The following GABRB3 variants were observed in gnomAD, a reference collection of about 807,000 sequenced individuals.
GABRB3 encodes gamma-aminobutyric acid type A receptor subunit beta3.
In GABRB3, 14 loss-of-function variants were observed where a neutral mutation model predicts 52.1. That is an observed-to-expected ratio of 0.27 (90% CI 0.18 to 0.42). The LOEUF is 0.42. Among genes scored for constraint, GABRB3 ranks in the 10% least tolerant of loss-of-function variants. The pLI, the probability that GABRB3 is intolerant of heterozygous loss-of-function variation, is 1.00. For missense variants in GABRB3, 307 were observed against 609.1 expected (o/e 0.50, Z 5.22); for synonymous variants, 260 against 232.3 (o/e 1.12, Z -1.08).
At chr15:26,697,261 C>A (rs1049575104) in intron 3 of GABRB3, among the ~76,000 whole-genome samples, 1 of 152,122 alleles carries the variant, frequency 6.6e-6, no homozygotes, top group Non-Finnish European at 1.5e-5. Flanking sequence ...AAAGGGTAAG[C>A]TTTTCCTTAT....
intron 3 of GABRB3, among the ~76,000 whole-genome samples, chr15:26,625,168 G>T (rs1315482772): frequency 6.6e-6 from 1 of 152,090 alleles, no homozygotes; most frequent in Non-Finnish European, 1.5e-5. Flanking sequence ...AAGCTCCAAG[G>T]GATGGGAGCT....
intron 8 of GABRB3, among the ~76,000 whole-genome samples, chr15:26,555,145 C>T (rs1294083831): frequency 6.6e-6 from 1 of 152,132 alleles, no homozygotes; most frequent in Non-Finnish European, 1.5e-5. Flanking sequence ...GATCGCGCCA[C>T]TGCACTCCAG....
chr15:26,685,622 A>T (rs1251737634), intron 3 of GABRB3, among the ~76,000 whole-genome samples: 5 of 152,196 alleles, frequency 3.3e-5, no homozygotes, highest in Non-Finnish European at 5.9e-5. Flanking sequence ...GAAAGAAATC[A>T]TTAGATTCAA....
At chr15:26,664,901 T>C (rs1887662186) in intron 3 of GABRB3, among the ~76,000 whole-genome samples, 1 of 151,952 alleles carries the variant, frequency 6.6e-6, no homozygotes, top group African/African-American at 2.4e-5. Flanking sequence ...GGTTTCTCCG[T>C]GTTGGTCAGG....
intron 3 of GABRB3, among the ~76,000 whole-genome samples, chr15:26,669,148 A>C (rs1887807944): frequency 6.6e-6 from 1 of 151,936 alleles, no homozygotes; most frequent in East Asian, 1.9e-4. Context: ...TTCTTGGTTT[A>C]TCTCTTTTCC....
intron 3 of GABRB3, among the ~76,000 whole-genome samples, chr15:26,708,701 G>A (rs144972112): frequency 2.4e-4 from 37 of 152,338 alleles, no homozygotes; most frequent in African/African-American, 7.9e-4. Context: ...AAGATAGCAC[G>A]CCACATCCAT....
intron 4 of GABRB3, among the ~76,000 whole-genome samples, chr15:26,584,321 T>C (rs1860791567): frequency 6.6e-6 from 1 of 152,206 alleles, no homozygotes; most frequent in Non-Finnish European, 1.5e-5. Flanking sequence ...ACAGAGCCTA[T>C]GTGTGGGACA....
At chr15:26,607,631 T>A (rs145336353) in intron 4 of GABRB3, among the ~76,000 whole-genome samples, 234 of 151,722 alleles carry the variant, frequency 1.5e-3, no homozygotes, top group African/African-American at 5.0e-3. Context: ...TTACGGGATA[T>A]AAAAACAACT....
In GABRB3 at chr15:26,724,930, T is replaced by C. The variant is rs1252626795; in HGVS notation, c.240+47472A>G. Among the ~76,000 whole-genome samples, 3 of 152,248 alleles carry C rather than the reference T, an allele frequency of 2.0e-5. No homozygotes were observed. The East Asian group carries it at 5.8e-4, about 29-fold the overall frequency. Reference sequence around the variant, plus strand: ...GCAGGCTGCAACCCTTTATGAGAAATAAAGCTCCCCTTTCCAAATTTATGA... The same window carrying C: ...GCAGGCTGCAACCCTTTATGAGAAACAAAGCTCCCCTTTCCAAATTTATGA... On this transcript the variant is annotated intron_variant, in intron 3 of 8. Transcript: ENST00000311550.
intron 4 of GABRB3, among the ~76,000 whole-genome samples, chr15:26,597,907 A>G (rs1891454942): frequency 6.6e-6 from 1 of 152,218 alleles, no homozygotes; most frequent in Admixed American, 6.5e-5. Context: ...GGTAGGGAAA[A>G]GAGAAAGTAG....
At chr15:26,629,618 G>T (rs1892854244) in intron 3 of GABRB3, among the ~76,000 whole-genome samples, 3 of 152,106 alleles carry the variant, frequency 2.0e-5, no homozygotes, top group Admixed American at 2.0e-4. Context: ...CCTCGTCCTT[G>T]GCTGTGGGTG....
At chr15:26,628,462 C>T (rs1307773815) in intron 3 of GABRB3, among the ~76,000 whole-genome samples, 2 of 152,040 alleles carry the variant, frequency 1.3e-5, no homozygotes, top group Non-Finnish European at 2.9e-5. Flanking sequence ...ATACTAAACA[C>T]GAAGGGATAT....
At chr15:26,650,542 TG>T (rs974973887) in intron 3 of GABRB3, among the ~76,000 whole-genome samples, 4 of 151,826 alleles carry the variant, frequency 2.6e-5, no homozygotes, top group Admixed American at 2.0e-4. Flanking sequence ...ACAGATGGGG[TG>T]GGTACCCAGT....
At chr15:26,662,975 A>T (rs1887595887) in intron 3 of GABRB3, among the ~76,000 whole-genome samples, 1 of 152,184 alleles carries the variant, frequency 6.6e-6, no homozygotes, top group Admixed American at 6.5e-5. Context: ...ATCTGGCATA[A>T]TTCTAGCACA....
At chr15:26,716,248 G>A (rs942657724) in intron 3 of GABRB3, among the ~76,000 whole-genome samples, 12 of 152,146 alleles carry the variant, frequency 7.9e-5, no homozygotes, top group Non-Finnish European at 1.2e-4. Flanking sequence ...CACTGAACGT[G>A]GCTGTGTGTG....
At chr15:26,706,244 G>A (rs371328028) in intron 3 of GABRB3, among the ~76,000 whole-genome samples, 24 of 152,188 alleles carry the variant, frequency 1.6e-4, no homozygotes, top group East Asian at 1.2e-3. Context: ...CTGGCACAGC[G>A]CCTGAGGCAA....
At chr15:26,683,625 C>T (rs1888308842) in intron 3 of GABRB3, among the ~76,000 whole-genome samples, 1 of 152,144 alleles carries the variant, frequency 6.6e-6, no homozygotes, top group Non-Finnish European at 1.5e-5. Context: ...ACCCTCGTCT[C>T]CTGGAACTGG....
intron 4 of GABRB3, 75 bp from the exon 5 acceptor site, chr15:26,583,489 C>A (rs72702137): frequency 1.5e-5 from 18 of 1,238,422 alleles, no homozygotes; most frequent in Non-Finnish European, 1.8e-5. Context: ...CTTAGATAAA[C>A]GAGTAAGCCC....
intron 3 of GABRB3, among the ~76,000 whole-genome samples, chr15:26,763,200 CT>C (rs1298371755): frequency 1.3e-5 from 2 of 152,144 alleles, no homozygotes; most frequent in African/African-American, 4.8e-5. Flanking sequence ...GGTTCTTGGC[CT>C]ATAGCTTTGG....
Sources: gnomAD v4.1 joint callset for allele counts (sites outside exome capture counted in the v4.1 genomes callset) on GRCh38, gnomAD v4.1.1 for gene constraint, MANE v1.5 for transcripts, NCBI Gene and HGNC (gene_info 2026-07-23, HGNC 2026-07-21) for gene names.